Variants in KIAA1549 observed in about 807,000 individuals in gnomAD.
KIAA1549 encodes the protein UPF0606 protein KIAA1549.
KIAA1549 carries 70 observed loss-of-function variants against 156.4 expected under a neutral mutation model. The observed-to-expected ratio is 0.45, with a 90% CI of 0.37 to 0.55. The LOEUF (loss-of-function observed/expected upper bound fraction) is 0.55. Among genes scored for constraint, KIAA1549 ranks in the 20% least tolerant of loss-of-function variants. KIAA1549 has a pLI of 0.00. For missense variants in KIAA1549, 2,428 were observed against 2,540.9 expected, an observed-to-expected ratio of 0.96 and a Z score of 0.96; for synonymous variants, 1,103 against 1,066.4, an observed-to-expected ratio of 1.03 and a Z score of -0.67.
rs752480588 is a variant in KIAA1549, at chr7:138,918,112, A to G, written c.1514T>C (p.Val505Ala). ...CATATCCACCTCGGCAGAAATGCCA[A>G]CACTCGTCTCTGAGATTTCCATGGA... ...SRSMEISETS[V>A]GISAEVDMSS... Residue 505 changes from valine to alanine, a missense_variant, in exon 2 of 20, where the codon GTT becomes GCT. Transcript: ENST00000422774. The surrounding 1 kb of genome is among the most constrained non-coding windows in gnomAD (Gnocchi z 4.2). 3 of 1,614,020 alleles carry G rather than the reference A, an allele frequency of 1.9e-6. No individual in the cohort carries two copies.
chr7:138,919,121 G>C lies in KIAA1549; in HGVS notation c.505C>G (p.Pro169Ala), dbSNP rs1184274436. The C allele has an allele frequency of 6.2e-7, 1 of 1,614,048 alleles. No homozygotes were observed. Among genetic ancestry groups the C allele is most frequent in the Non-Finnish European group, 8.5e-7 (1 of 1,179,912 alleles). Residue 169 changes from proline (P) to alanine (A), a missense_variant, in exon 2 of 20, where the codon CCA (proline) becomes GCA (alanine). By Grantham distance (27) the Pro-to-Ala change is conservative. Transcript: ENST00000422774. ...NFLPDTHWTT[P>A]RMVSPIQYIT... is the part of the protein sequence containing the mutation. ...TACTGTATTGGAGAAACCATCCGTG[G>C]AGTGGTCCAGTGAGTATCTGGCAGA...
chr7:138,960,573 A>C (rs938045396), intron 1 of KIAA1549, among the ~76,000 whole-genome samples: 1 of 152,036 alleles, frequency 6.6e-6, no homozygotes, highest in Admixed American at 6.5e-5. Flanking sequence ...GCCTCCAAAA[A>C]TGCTGGGATT....
At chr7:138,969,841 C>T (rs961849967) in intron 1 of KIAA1549, among the ~76,000 whole-genome samples, 1 of 152,188 alleles carries the variant, frequency 6.6e-6, no homozygotes, top group Non-Finnish European at 1.5e-5. Context: ...GATCTGACCA[C>T]CTCAGCCTCC....
In KIAA1549 at chr7:138,871,221, G is replaced by T. The variant is rs939749333; in HGVS notation, c.4487C>A (p.Ala1496Glu). Residue 1496 changes from alanine to glutamate, a missense_variant, in exon 13 of 20, where the codon GCA (alanine) becomes GAA (glutamate). Ala to Glu is a moderately radical substitution (Grantham distance 107, BLOSUM62 -1). Coordinates refer to ENST00000422774, the MANE Select transcript of KIAA1549 (RefSeq NM_001164665.2). ...TGGGGAGGGGCGCTGGACGGGAGGT[G>T]CCGGGATCGGCTGCATGGCGATAAG... ...IQLIAMQPIP[A>E]PPVQRPSPAD... The T allele has an allele frequency of 6.2e-7, 1 of 1,613,136 alleles. No individual in the cohort carries two copies. Among genetic ancestry groups the T allele is most frequent in the African/African-American group, 1.3e-5 (1 of 74,922 alleles).
At chr7:138,855,801 T>C (rs559187165) in intron 16 of KIAA1549, among the ~76,000 whole-genome samples, 2 of 152,244 alleles carry the variant, frequency 1.3e-5, no homozygotes, top group African/African-American at 4.8e-5. Context: ...ATAATAGGTC[T>C]TTCAAATCTC....
At position 138,912,440 on chromosome 7, in the gene KIAA1549, G is replaced by C. The variant is rs530424114; in HGVS notation, c.2899C>G (p.Gln967Glu). Residue 967 changes from glutamine to glutamate, a missense_variant, in exon 3 of 20, where the codon CAG becomes GAG. By Grantham distance (29) the Gln-to-Glu change is conservative. Around this residue, in one of 5 missense-constraint regions of KIAA1549, gnomAD observed 762 missense variants for 901.6 expected, o/e 0.85. Transcript: ENST00000422774. ...ITTVLARRAV[Q>E]EYIITAIKEV... ...TTGATTGCTGTAATGATGTACTCCT[G>C]CACAGCTCTTCTGGCCAGCACTGCA... The C allele has an allele frequency of 7.4e-6, 12 of 1,613,670 alleles. No individual in the cohort carries two copies. In the East Asian group the frequency reaches 2.7e-4, roughly 36 times the overall value.
At chr7:138,954,696 C>G (rs1275292883) in intron 1 of KIAA1549, among the ~76,000 whole-genome samples, 5 of 152,138 alleles carry the variant, frequency 3.3e-5, no homozygotes, top group Non-Finnish European at 7.4e-5. Flanking sequence ...TCCAGGCTCA[C>G]GGAAGCCTCT....
intron 1 of KIAA1549, among the ~76,000 whole-genome samples, chr7:138,935,238 G>A (rs1345044649): frequency 6.6e-6 from 1 of 152,180 alleles, no homozygotes; most frequent in Non-Finnish European, 1.5e-5. Flanking sequence ...GCTTCATGGT[G>A]GGGTTTGGGG....
chr7:138,885,586 C>T lies in KIAA1549; in HGVS notation c.4033-4002G>A, dbSNP rs74552192. Among the ~76,000 whole-genome samples the T allele has an allele frequency of 2.8e-3, 432 of 152,300 alleles. 2 individuals are homozygous for T. Among genetic ancestry groups the T allele is most frequent in the African/African-American group, 9.9e-3 (413 of 41,552 alleles). On this transcript the variant is annotated intron_variant, in intron 10 of 19. Coordinates refer to ENST00000422774, the MANE Select transcript of KIAA1549 (RefSeq NM_001164665.2). ...GGCCCCAGCCAGACACAACGGCAAC[C>T]GTATCAACCCAAATTGTAATCTGAC... is the stretch of plus-strand genomic sequence containing the variant.
Position 138,887,859 on chromosome 7 carries a change from G to GGCA in KIAA1549, c.4033-6278_4033-6276dup, listed in dbSNP as rs373961594. 5.3e-4 allele frequency among the ~76,000 whole-genome samples: 80 copies of GGCA among 152,122 alleles called. No individual in the cohort carries two copies. In the East Asian group the frequency reaches 0.01, roughly 20 times the overall value. The stretch of plus-strand genomic sequence containing the variant: ...AACTTAGATATTCTGTAGAGGAGGT[G>GGCA]GCAGCAGCAGCAGCAGCAGCAGTGA... On this transcript the variant is annotated intron_variant, in intron 10 of 19. Coordinates refer to ENST00000422774, the MANE Select transcript of KIAA1549 (RefSeq NM_001164665.2).
chr7:138,949,260 C>T (rs977869281), intron 1 of KIAA1549, among the ~76,000 whole-genome samples: 10 of 152,230 alleles, frequency 6.6e-5, no homozygotes, highest in Admixed American at 4.6e-4. Flanking sequence ...TACCCCAAGT[C>T]GCTGAAAGAT....
At chr7:138,862,941 GA>G (rs917748758) in intron 15 of KIAA1549, among the ~76,000 whole-genome samples, 2 of 149,248 alleles carry the variant, frequency 1.3e-5, no homozygotes, top group Admixed American at 1.3e-4. Flanking sequence ...AAAAGAAAAA[GA>G]AAAAAAAACG....
chr7:138,841,707 T>A (rs1040168049), intron 18 of KIAA1549, among the ~76,000 whole-genome samples: 2 of 152,128 alleles, frequency 1.3e-5, no homozygotes, highest in South Asian at 4.1e-4. Context: ...ACTCTAGTTG[T>A]CTAATTAATA....
At chr7:138,936,408 G>A (rs913625853) in intron 1 of KIAA1549, among the ~76,000 whole-genome samples, 6 of 151,966 alleles carry the variant, frequency 3.9e-5, no homozygotes, top group Middle Eastern at 3.2e-3. Flanking sequence ...CCTTCCCACC[G>A]CCACCAATTA....
chr7:138,864,067 G>T (rs767685515), intron 15 of KIAA1549, among the ~76,000 whole-genome samples: 1 of 152,166 alleles, frequency 6.6e-6, no homozygotes, highest in Non-Finnish European at 1.5e-5. Context: ...AGAAGGGAGG[G>T]TGTGTCTGGA....
chr7:138,884,073 A>T (rs1360514781), intron 10 of KIAA1549, among the ~76,000 whole-genome samples: 2 of 152,182 alleles, frequency 1.3e-5, no homozygotes, highest in Non-Finnish European at 2.9e-5. Context: ...GGTTAAGTTG[A>T]TCACCAATAG....
At chr7:138,964,342 G>A (rs915495913) in intron 1 of KIAA1549, among the ~76,000 whole-genome samples, 1 of 152,180 alleles carries the variant, frequency 6.6e-6, no homozygotes, top group African/African-American at 2.4e-5. Flanking sequence ...GTGGCTGGGG[G>A]TGCACATGCC....
chr7:138,909,121 A>G lies in KIAA1549; in HGVS notation c.3146T>C (p.Val1049Ala). The change falls in exon 5 of 20, where the codon GTA becomes GCA. Residue 1049 changes from valine (V) to alanine (A), a missense_variant and splice_region_variant. Val to Ala is a moderately conservative substitution (Grantham distance 64). Transcript: ENST00000422774. ...CACACTCGGAGGCACAAACTGAAGTACTGAAAAGAAAAGCAATCAAAGTCC... is the reference window on the plus strand; with the variant it reads ...CACACTCGGAGGCACAAACTGAAGTGCTGAAAAGAAAAGCAATCAAAGTCC... ...VPESRFQVQT[V>A]LQFVPPSVDT... 3 of 1,611,982 alleles carry G rather than the reference A, an allele frequency of 1.9e-6. No individual in the cohort carries two copies. The highest frequency in any genetic ancestry group is 2.5e-6 in the Non-Finnish European group (3 of 1,178,828).
intron 2 of KIAA1549, among the ~76,000 whole-genome samples, chr7:138,914,402 C>G (rs922952541): frequency 2.0e-5 from 3 of 152,202 alleles, no homozygotes; most frequent in African/African-American, 7.2e-5. Flanking sequence ...AGCACAGGGT[C>G]AGAAAGGCCC....
Sources: allele counts gnomAD v4.1 joint callset (sites outside exome capture counted in the v4.1 genomes callset), GRCh38; gene constraint gnomAD v4.1.1; regional missense constraint gnomAD v4.1.1; non-coding constraint Gnocchi (gnomAD v3.1); transcripts MANE v1.5; gene names NCBI Gene and HGNC (gene_info 2026-07-23, HGNC 2026-07-21).